The following LRRC69 variants were observed in gnomAD, a reference collection of about 807,000 sequenced individuals.
The protein encoded by LRRC69 is leucine-rich repeat-containing protein 69.
In LRRC69, 42 loss-of-function variants were observed where a neutral mutation model predicts 37.8. The ratio of observed to expected loss-of-function variants is 1.11; its 90% CI spans 0.87 to 1.44. The LOEUF (loss-of-function observed/expected upper bound fraction) is 1.44. Ranked by LOEUF, LRRC69 falls within the 40% of genes most tolerant of loss-of-function variation. LRRC69 has a pLI of 0.00. For synonymous variants in LRRC69, 141 were observed against 143.1 expected, an observed-to-expected ratio of 0.99 and a Z score of 0.11; for missense variants, 357 against 401.9, an observed-to-expected ratio of 0.89 and a Z score of 0.96.
intron 6 of LRRC69, among the ~76,000 whole-genome samples, chr8:91,192,335 A>T (rs1193940194): frequency 6.6e-6 from 1 of 152,104 alleles, no homozygotes; most frequent in African/African-American, 2.4e-5. Flanking sequence ...CAGCAGCATG[A>T]TTTATAGTCC....
intron 1 of LRRC69, among the ~76,000 whole-genome samples, chr8:91,120,993 C>T (rs1813608827): frequency 6.6e-6 from 1 of 151,826 alleles, no homozygotes; most frequent in African/African-American, 2.4e-5. Context: ...ATTCCTTGTC[C>T]CTCCTCCAAA....
At chr8:91,165,969 C>T (rs1809021491) in intron 5 of LRRC69, among the ~76,000 whole-genome samples, 1 of 151,614 alleles carries the variant, frequency 6.6e-6, no homozygotes, top group Non-Finnish European at 1.5e-5. Flanking sequence ...TTTTTTAGGT[C>T]ATAATAGAGT....
intron 5 of LRRC69, among the ~76,000 whole-genome samples, chr8:91,182,244 A>AT (rs1809337789): frequency 6.6e-6 from 1 of 152,128 alleles, no homozygotes; most frequent in Non-Finnish European, 1.5e-5. Context: ...GATTTAAAAG[A>AT]TTTTTTTAAA....
intron 5 of LRRC69, among the ~76,000 whole-genome samples, chr8:91,188,593 C>A (rs889642679): frequency 6.6e-6 from 1 of 152,148 alleles, no homozygotes; most frequent in African/African-American, 2.4e-5. Context: ...CATTTTACAG[C>A]TGAAATTTAG....
intron 1 of LRRC69, 23 bp from the exon 2 acceptor site, chr8:91,124,470 A>G: frequency 6.6e-7 from 1 of 1,507,338 alleles, no homozygotes; most frequent in Non-Finnish European, 8.9e-7. Flanking sequence ...ATATGAGTCC[A>G]TTAAACCTCT....
At chr8:91,117,589 G>A (rs1393388298) in intron 1 of LRRC69, among the ~76,000 whole-genome samples, 1 of 104,226 alleles carries the variant, frequency 9.6e-6, no homozygotes, top group African/African-American at 2.9e-5. Context: ...TTTTTACAGG[G>A]ATAACTGTAA....
chr8:91,171,579 G>C (rs1254173254), intron 5 of LRRC69, among the ~76,000 whole-genome samples: 1 of 152,044 alleles, frequency 6.6e-6, no homozygotes, highest in African/African-American at 2.4e-5. Context: ...CAGCTTTCTT[G>C]AAAGTCTTGA....
At chr8:91,130,313 C>T (rs1813785742) in intron 3 of LRRC69, 1 of 152,034 alleles carries the variant, frequency 6.6e-6, no homozygotes, top group Non-Finnish European at 1.5e-5. Context: ...TGGCCCTACT[C>T]ACCCAGGCTG....
downstream of LRRC69, chr8:91,219,059 C>T (rs1034806144): frequency 9.6e-6 from 8 of 831,682 alleles, no homozygotes; most frequent in Middle Eastern, 1.8e-3. Context: ...TCTGCATACA[C>T]AGATTATGCC....
chr8:91,115,015 G>A (rs1361064329), intron 1 of LRRC69, among the ~76,000 whole-genome samples: 1 of 151,980 alleles, frequency 6.6e-6, no homozygotes, highest in Non-Finnish European at 1.5e-5. Context: ...GAATCAGAGA[G>A]TAGAATGGTG....
intron 5 of LRRC69, among the ~76,000 whole-genome samples, chr8:91,159,658 C>T (rs1469894011): frequency 1.3e-5 from 2 of 150,926 alleles, no homozygotes; most frequent in Non-Finnish European, 3.0e-5. Flanking sequence ...AGAAAGTTAG[C>T]TTTGTAAACT....
At chr8:91,145,087 G>A (rs1351596492) in intron 5 of LRRC69, among the ~76,000 whole-genome samples, 1 of 151,896 alleles carries the variant, frequency 6.6e-6, no homozygotes. Context: ...ACATGTCCAT[G>A]ATCAAAAATG....
chr8:91,170,222 G>A (rs1302954894), intron 5 of LRRC69, among the ~76,000 whole-genome samples: 1 of 120,628 alleles, frequency 8.3e-6, no homozygotes, highest in African/African-American at 3.3e-5. Context: ...CATTCTAACT[G>A]GTGTGAGATG....
chr8:91,123,798 A>G (rs1408094459), intron 1 of LRRC69, among the ~76,000 whole-genome samples: 1 of 152,024 alleles, frequency 6.6e-6, no homozygotes, highest in Non-Finnish European at 1.5e-5. Context: ...AACAATCTGT[A>G]TCACTTATTT....
At chr8:91,136,682 T>C (rs192572338) in intron 5 of LRRC69, among the ~76,000 whole-genome samples, 10 of 152,116 alleles carry the variant, frequency 6.6e-5, no homozygotes, top group Admixed American at 4.6e-4. Flanking sequence ...TGTACACCTA[T>C]TTTAGAAGTT....
intron 5 of LRRC69, among the ~76,000 whole-genome samples, chr8:91,176,713 G>T (rs78771025): frequency 2.0e-5 from 3 of 152,074 alleles, no homozygotes; most frequent in Non-Finnish European, 4.4e-5. Flanking sequence ...TGATGTCCTA[G>T]TTCAGTCAGA....
chr8:91,156,260 C>G (rs1397088669), intron 5 of LRRC69, among the ~76,000 whole-genome samples: 1 of 150,948 alleles, frequency 6.6e-6, no homozygotes, highest in Non-Finnish European at 1.5e-5. Flanking sequence ...GGACAAGAGC[C>G]ATTCCAACTG....
At chr8:91,153,007 G>T (rs1472985990) in intron 5 of LRRC69, among the ~76,000 whole-genome samples, 1 of 151,232 alleles carries the variant, frequency 6.6e-6, no homozygotes, top group Non-Finnish European at 1.5e-5. Flanking sequence ...ATACACATAG[G>T]CTCAAAATAA....
intron 5 of LRRC69, among the ~76,000 whole-genome samples, chr8:91,152,545 T>A (rs1223871268): frequency 6.6e-6 from 1 of 151,700 alleles, no homozygotes; most frequent in East Asian, 1.9e-4. Flanking sequence ...GTAGTATAGT[T>A]TGAAGTCAGG....
Sources: gnomAD v4.1 joint callset for allele counts (sites outside exome capture counted in the v4.1 genomes callset) on GRCh38, gnomAD v4.1.1 for gene constraint, MANE v1.5 for transcripts, NCBI Gene and HGNC (gene_info 2026-07-23, HGNC 2026-07-21) for gene names.